GPC5: variants seen among roughly 807,000 people sequenced by gnomAD.
The protein encoded by GPC5 is glypican 5.
GPC5 carries 47 observed loss-of-function variants against 53.9 expected under a neutral mutation model. That is an observed-to-expected ratio of 0.87 (90% CI 0.69 to 1.11). The LOEUF is 1.11. Ranked by LOEUF, GPC5 falls within the 50% of genes most tolerant of loss-of-function variation. The probability of loss-of-function intolerance (pLI) is 0.00; values close to 1 mark genes in which losing one functional copy is unlikely to be tolerated. For missense variants in GPC5, 748 were observed against 713.1 expected (o/e 1.05, Z -0.56); for synonymous variants, 286 against 263.3 (o/e 1.09, Z -0.84).
chr13:91,497,229 C>T (rs971309874), intron 2 of GPC5, among the ~76,000 whole-genome samples: 5 of 152,042 alleles, frequency 3.3e-5, no homozygotes, highest in African/African-American at 1.2e-4. Context: ...TCTGTCCAAA[C>T]AAACTTGATT....
chr13:91,674,581 G>A (rs1049579566), intron 2 of GPC5, among the ~76,000 whole-genome samples: 1 of 146,762 alleles, frequency 6.8e-6, no homozygotes, highest in Non-Finnish European at 1.5e-5. Context: ...ATATATATGC[G>A]TATGTGTATA....
chr13:91,607,193 TG>T (rs57514660), intron 2 of GPC5, among the ~76,000 whole-genome samples: 105,118 of 152,002 alleles, frequency 0.69, 39,062 homozygotes, highest in East Asian at 0.92. Flanking sequence ...TCAATAATGA[TG>T]CCAAGTGTGA....
intron 7 of GPC5, among the ~76,000 whole-genome samples, chr13:92,236,760 G>C (rs1436583330): frequency 6.6e-6 from 1 of 152,056 alleles, no homozygotes; most frequent in Non-Finnish European, 1.5e-5. Context: ...GTGACCTCAA[G>C]TGTTTATAAT....
chr13:92,157,056 G>A (rs1404542665), intron 7 of GPC5, among the ~76,000 whole-genome samples: 1 of 151,996 alleles, frequency 6.6e-6, no homozygotes, highest in Non-Finnish European at 1.5e-5. Flanking sequence ...ATTCCATTAG[G>A]TTGCAAAACT....
At chr13:92,771,263 G>A (rs1875604781) in intron 7 of GPC5, among the ~76,000 whole-genome samples, 1 of 151,992 alleles carries the variant, frequency 6.6e-6, no homozygotes, top group African/African-American at 2.4e-5. Context: ...CTTCGCTTTG[G>A]GGCATTACTC....
chr13:92,808,311 CAT>C (rs1407182773), intron 7 of GPC5, among the ~76,000 whole-genome samples: 1 of 152,086 alleles, frequency 6.6e-6, no homozygotes. Context: ...CACACACACA[CAT>C]AGCACAACAG....
At chr13:92,750,857 T>G (rs897145261) in intron 7 of GPC5, among the ~76,000 whole-genome samples, 2 of 152,180 alleles carry the variant, frequency 1.3e-5, no homozygotes, top group Non-Finnish European at 2.9e-5. Flanking sequence ...TTGTTTATAG[T>G]CAAGTATGAT....
At chr13:92,453,408 GT>G (rs1467708999) in intron 7 of GPC5, among the ~76,000 whole-genome samples, 1 of 152,000 alleles carries the variant, frequency 6.6e-6, no homozygotes, top group East Asian at 1.9e-4. Flanking sequence ...TGGAAAATAG[GT>G]TGAACTGAAA....
At chr13:92,717,040 G>A (rs1216758753) in intron 7 of GPC5, among the ~76,000 whole-genome samples, 3 of 151,774 alleles carry the variant, frequency 2.0e-5, no homozygotes, top group Non-Finnish European at 4.4e-5. Context: ...TAAGAGTCAA[G>A]CCCTGTTCGA....
chr13:92,560,070 C>T (rs1002450206), intron 7 of GPC5, among the ~76,000 whole-genome samples: 1 of 151,626 alleles, frequency 6.6e-6, no homozygotes, highest in Non-Finnish European at 1.5e-5. Context: ...CAGAATATGA[C>T]TTTATTGGCA....
chr13:92,597,199 T>C (rs1286679024), intron 7 of GPC5, among the ~76,000 whole-genome samples: 1 of 152,230 alleles, frequency 6.6e-6, no homozygotes, highest in Non-Finnish European at 1.5e-5. Context: ...TAATTCCAAG[T>C]TGCAAAAGCA....
chr13:91,600,262 A>G (rs2033132693), intron 2 of GPC5, among the ~76,000 whole-genome samples: 2 of 152,006 alleles, frequency 1.3e-5, no homozygotes, highest in South Asian at 2.1e-4. Flanking sequence ...TCTAGCAAAA[A>G]TCTATAGATA....
intron 4 of GPC5, among the ~76,000 whole-genome samples, chr13:91,744,899 A>C (rs1594512078): frequency 6.6e-6 from 1 of 152,174 alleles, no homozygotes; most frequent in African/African-American, 2.4e-5. Flanking sequence ...ATGGAAAATT[A>C]GTACCATGTT....
intron 7 of GPC5, among the ~76,000 whole-genome samples, chr13:92,706,637 T>C (rs553486080): frequency 1.3e-5 from 2 of 152,264 alleles, no homozygotes; most frequent in African/African-American, 4.8e-5. Flanking sequence ...TCAAGAGAGT[T>C]GAAATGTCCT....
intron 6 of GPC5, among the ~76,000 whole-genome samples, chr13:92,041,808 T>A (rs1281653455): frequency 6.6e-6 from 1 of 152,218 alleles, no homozygotes. Flanking sequence ...TCAGCATATA[T>A]GGCTGGAATG....
chr13:92,753,076 A>C (rs1321574662), intron 7 of GPC5, among the ~76,000 whole-genome samples: 1 of 152,216 alleles, frequency 6.6e-6, no homozygotes, highest in African/African-American at 2.4e-5. Flanking sequence ...ACCTCTGCAG[A>C]CTTAAATGTC....
intron 7 of GPC5, among the ~76,000 whole-genome samples, chr13:92,320,969 T>G (rs181357406): frequency 1.2e-4 from 18 of 152,330 alleles, no homozygotes; most frequent in Non-Finnish European, 2.2e-4. Context: ...AATTTGAAAT[T>G]TAATATGAGT....
chr13:92,071,884 T>A (rs1257202600), intron 6 of GPC5, among the ~76,000 whole-genome samples: 1 of 147,042 alleles, frequency 6.8e-6, no homozygotes, highest in Non-Finnish European at 1.5e-5. Flanking sequence ...ATTATATATG[T>A]ATAAAATGTA....
intron 7 of GPC5, among the ~76,000 whole-genome samples, chr13:92,703,744 G>T (rs866648940): frequency 2.6e-5 from 4 of 151,160 alleles, no homozygotes; most frequent in Admixed American, 1.3e-4. Flanking sequence ...TGTTAATTGG[G>T]GGAAGGGTAT....
Sources: allele counts gnomAD v4.1 joint callset (sites outside exome capture counted in the v4.1 genomes callset), GRCh38; gene constraint gnomAD v4.1.1; transcripts MANE v1.5; gene names NCBI Gene and HGNC (gene_info 2026-07-23, HGNC 2026-07-21).